Variants in CDC42BPA observed in about 807,000 individuals in gnomAD.
The protein encoded by CDC42BPA is CDC42 binding protein kinase alpha.
In CDC42BPA, 80 loss-of-function variants were observed where a neutral mutation model predicts 223.5. That is an observed-to-expected ratio of 0.36 (90% CI 0.30 to 0.43). CDC42BPA has a LOEUF of 0.43. Among genes scored for constraint, CDC42BPA ranks in the 20% least tolerant of loss-of-function variants. CDC42BPA has a pLI of 1.00. For missense variants in CDC42BPA, 1,743 were observed against 2,099.9 expected, an observed-to-expected ratio of 0.83 and a Z score of 3.32; for synonymous variants, 694 against 718.6, an observed-to-expected ratio of 0.97 and a Z score of 0.55.
At chr1:227,256,622 T>A (rs548885295) in intron 1 of CDC42BPA, among the ~76,000 whole-genome samples, 6 of 152,194 alleles carry the variant, frequency 3.9e-5, no homozygotes, top group African/African-American at 1.4e-4. Context: ...CTGAATTTTT[T>A]AAATTAATTA....
intron 2 of CDC42BPA, among the ~76,000 whole-genome samples, chr1:227,232,915 G>A (rs963946837): frequency 2.0e-5 from 3 of 152,164 alleles, no homozygotes; most frequent in Non-Finnish European, 4.4e-5. Context: ...CTCCTTGCTG[G>A]GAGAAGCACT....
At chr1:227,180,619 T>C (rs555006342) in intron 5 of CDC42BPA, 63 of 152,332 alleles carry the variant, frequency 4.1e-4, no homozygotes, top group African/African-American at 1.4e-3. Context: ...ACAATATCAG[T>C]TGGTAACATT....
chr1:227,118,376 G>T lies in CDC42BPA; in HGVS notation c.1647+1428C>A, dbSNP rs140775262. Among the ~76,000 whole-genome samples the T allele has an allele frequency of 4.6e-5, 7 of 152,130 alleles. No individual in the cohort carries two copies. In the East Asian group the frequency reaches 1.2e-3, roughly 25 times the overall value. Reference sequence around the variant, plus strand: ...CTGTCACTTCACATCTATTGGAATGGCTATTTTTTTTAAAAGACAAAGGAT... The same window carrying T: ...CTGTCACTTCACATCTATTGGAATGTCTATTTTTTTTAAAAGACAAAGGAT... On this transcript the variant is annotated intron_variant, in intron 12 of 36. Transcript: ENST00000366766.
At chr1:227,149,504 C>T (rs1466429925) in intron 6 of CDC42BPA, among the ~76,000 whole-genome samples, 2 of 151,998 alleles carry the variant, frequency 1.3e-5, no homozygotes, top group African/African-American at 2.4e-5. Flanking sequence ...ACAAACAGAA[C>T]AATAGATCCC....
intron 24 of CDC42BPA, among the ~76,000 whole-genome samples, chr1:227,038,180 G>GC: frequency 8.8e-6 from 1 of 113,416 alleles, no homozygotes; most frequent in Non-Finnish European, 1.9e-5. Context: ...TAAGTCTCGT[G>GC]AAATCTGATG....
intron 21 of CDC42BPA, chr1:227,068,776 C>T (rs1677642608): frequency 2.2e-6 from 1 of 449,218 alleles, no homozygotes; most frequent in Non-Finnish European, 3.4e-6. Context: ...AAATCAAAAA[C>T]TTTGTAAAAC....
intron 3 of CDC42BPA, among the ~76,000 whole-genome samples, chr1:227,211,562 A>G (rs905198015): frequency 2.0e-5 from 3 of 152,182 alleles, no homozygotes; most frequent in East Asian, 1.9e-4. Flanking sequence ...GTATGTATGT[A>G]TGTATATATG....
In CDC42BPA at chr1:227,034,670, T is replaced by C; in HGVS notation, c.3461A>G (p.Gln1154Arg). 2 of 1,611,516 alleles carry C rather than the reference T, an allele frequency of 1.2e-6. No homozygotes were observed. Among genetic ancestry groups the C allele is most frequent in the South Asian group, 2.2e-5 (2 of 90,512 alleles). The change falls in exon 26 of 37, where the codon CAA becomes CGA. Residue 1154 changes from glutamine (Q) to arginine (R), a missense_variant. By Grantham distance (43) the Gln-to-Arg change is conservative. This residue lies in a region of CDC42BPA where 678 missense variants were observed against 777.5 expected (regional missense o/e 0.87). Transcript: ENST00000366766. Reference protein sequence around the residue: ...KASQPSVVISQVIDMRDEEFS... With the variant: ...KASQPSVVISRVIDMRDEEFS... The stretch of plus-strand genomic sequence containing the variant: ...AAACTCTTACCTCATGTCAATCACT[T>C]GACTAATGACAACACTGGGCTGAGA...
intron 9 of CDC42BPA, among the ~76,000 whole-genome samples, chr1:227,140,418 TA>T (rs1303620823): frequency 6.6e-6 from 1 of 152,050 alleles, no homozygotes; most frequent in Admixed American, 6.5e-5. Flanking sequence ...ACTGCTAAAG[TA>T]ACTTTGGAAA....
chr1:227,234,073 G>A (rs1678539716), intron 2 of CDC42BPA, among the ~76,000 whole-genome samples: 1 of 152,190 alleles, frequency 6.6e-6, no homozygotes, highest in African/African-American at 2.4e-5. Flanking sequence ...AGTGGCAACA[G>A]TGGTGGAGGT....
At chr1:227,179,384 C>T (rs1372671419) in intron 5 of CDC42BPA, among the ~76,000 whole-genome samples, 1 of 152,182 alleles carries the variant, frequency 6.6e-6, no homozygotes, top group Non-Finnish European at 1.5e-5. Context: ...CGCCTGTAAT[C>T]CCAGCACTTT....
intron 1 of CDC42BPA, among the ~76,000 whole-genome samples, chr1:227,310,376 TAA>T (rs1693293403): frequency 6.6e-6 from 1 of 152,174 alleles, no homozygotes; most frequent in Non-Finnish European, 1.5e-5. Context: ...GAAGAGGCCC[TAA>T]TCCCAAAAGA....
In CDC42BPA at chr1:226,990,198, A is replaced by C. The variant is rs1463646255; in HGVS notation, c.*4070T>G. ...GTACAATATTACGAGAAAAACCCTA[A>C]AAAATTTATAAAATGAATGATATTA... is the stretch of plus-strand genomic sequence containing the variant. On this transcript the variant is annotated 3_prime_UTR_variant, in exon 37 of 37. Coordinates refer to ENST00000366766, the MANE Select transcript of CDC42BPA (RefSeq NM_001394014.1). 2 of 152,172 alleles carry C rather than the reference A, an allele frequency of 1.3e-5. No individual in the cohort carries two copies. Among genetic ancestry groups the C allele is most frequent in the African/African-American group, 4.8e-5 (2 of 41,418 alleles). 9.4% of individuals were successfully genotyped at this position (152,172 alleles called of 1,614,324 possible).
At chr1:227,183,248 T>A (rs1262238295) in intron 5 of CDC42BPA, 1 of 152,300 alleles carries the variant, frequency 6.6e-6, no homozygotes, top group East Asian at 1.9e-4. Context: ...TGTGTATAGA[T>A]TCATGTAACT....
intron 5 of CDC42BPA, among the ~76,000 whole-genome samples, chr1:227,171,023 T>C (rs1308619750): frequency 6.6e-6 from 1 of 152,142 alleles, no homozygotes; most frequent in Non-Finnish European, 1.5e-5. Context: ...GTCTTGCAAA[T>C]AACGTGGCAG....
intron 6 of CDC42BPA, among the ~76,000 whole-genome samples, chr1:227,152,125 A>C (rs1661888565): frequency 6.6e-6 from 1 of 152,162 alleles, no homozygotes; most frequent in Admixed American, 6.5e-5. Context: ...TATTTTAGAG[A>C]CTAACCTGTT....
At chr1:227,187,409 C>T (rs537302174) in intron 5 of CDC42BPA, among the ~76,000 whole-genome samples, 1 of 150,308 alleles carries the variant, frequency 6.7e-6, no homozygotes, top group East Asian at 2.0e-4. Flanking sequence ...GTAGACTAGA[C>T]ACCACTTAGA....
chr1:227,113,692 A>C (rs968976514), intron 12 of CDC42BPA, among the ~76,000 whole-genome samples: 4 of 152,128 alleles, frequency 2.6e-5, no homozygotes, highest in African/African-American at 9.7e-5. Flanking sequence ...GCAGATTTAT[A>C]GAAGAACTGT....
intron 11 of CDC42BPA, among the ~76,000 whole-genome samples, chr1:227,126,892 T>C (rs1206236056): frequency 6.6e-6 from 1 of 152,196 alleles, no homozygotes; most frequent in Admixed American, 6.5e-5. Context: ...ATCATTCTTC[T>C]TTTAACACAG....
Sources: allele counts gnomAD v4.1 joint callset (sites outside exome capture counted in the v4.1 genomes callset), GRCh38; gene constraint gnomAD v4.1.1; regional missense constraint gnomAD v4.1.1; transcripts MANE v1.5; gene names NCBI Gene and HGNC (gene_info 2026-07-23, HGNC 2026-07-21).